The following GCSAML variants were observed in gnomAD, a reference collection of about 807,000 sequenced individuals.
GCSAML encodes germinal center associated signaling and motility like, also known as germinal center-associated signaling and motility-like protein.
A neutral mutation model predicts 13.0 loss-of-function variants in GCSAML; 9 were observed. The observed-to-expected ratio is 0.69, with a 90% CI of 0.42 to 1.21. The LOEUF is 1.21. Ranked by LOEUF, GCSAML falls within the 50% of genes most tolerant of loss-of-function variation. The pLI is 0.00. For missense variants in GCSAML, 143 were observed against 153.4 expected, an observed-to-expected ratio of 0.93 and a Z score of 0.36; for synonymous variants, 37 against 52.9, an observed-to-expected ratio of 0.70 and a Z score of 1.31.
chr1:247,530,187 TAAAATC>T (rs1666862734), intron 2 of GCSAML: 1 of 152,146 alleles, frequency 6.6e-6, no homozygotes, highest in African/African-American at 2.4e-5. Context: ...ATATATATAA[TAAAATC>T]AAAAACAGGA....
chr1:247,526,319 A>T lies in GCSAML; in HGVS notation c.-262-621A>T, dbSNP rs1477745523. On this transcript the variant is annotated intron_variant, in intron 1 of 5. Transcript: ENST00000366489. This position sits in a 1 kb window ranked among gnomAD's most constrained non-coding sequence, Gnocchi z 4.8. ...TACTCTATCTGGCTCATAATACCTG[A>T]CCTAAAGTTCTGACAGAAGCTGGAA... The T allele has an allele frequency of 6.6e-6, 1 of 152,190 alleles. No individual in the cohort carries two copies. The highest frequency in any genetic ancestry group is 3.2e-3 in the Middle Eastern group (1 of 316). The allele number at this position is 152,190 out of a possible 1,614,324, so 9.4% of individuals were successfully genotyped here.
At chr1:247,536,326 G>A (rs1667215711) in intron 2 of GCSAML, 2 of 152,296 alleles carry the variant, frequency 1.3e-5, no homozygotes, top group East Asian at 3.9e-4. Context: ...CCTGCAAATA[G>A]TGGAAATCTC....
At chr1:247,534,640 G>A (rs1296261632) in intron 2 of GCSAML, among the ~76,000 whole-genome samples, 1 of 152,126 alleles carries the variant, frequency 6.6e-6, no homozygotes, top group Non-Finnish European at 1.5e-5. Context: ...TTTTAAAAAG[G>A]AGAATCAATT....
rs1037907215 is a variant in GCSAML at position 247,556,545 on chromosome 1, C to T, written c.89+79C>T. 25 of 978,872 alleles carry T rather than the reference C, an allele frequency of 2.6e-5. No individual in the cohort carries two copies. The Admixed American group carries it at 4.4e-4, about 17-fold the overall frequency. 60.6% of individuals were successfully genotyped at this position (978,872 alleles called of 1,614,324 possible). ...TTGAGATTACTTCCAGAGTCTCTGC[C>T]CCACTAGAACTAACACCCCTTAGGG... On this transcript the variant is annotated intron_variant, in intron 2 of 4. Transcript: ENST00000366488.
At chr1:247,563,791 G>A (rs1257264054) in intron 3 of GCSAML, 152 bp downstream of exon 3, 2 of 448,414 alleles carry the variant, frequency 4.5e-6, no homozygotes, top group Non-Finnish European at 8.1e-6. Context: ...CATCATTCTT[G>A]GTATTAAAGT....
At chr1:247,524,724 C>G (rs148830883) in intron 1 of GCSAML, 273 of 151,534 alleles carry the variant, frequency 1.8e-3, no homozygotes, top group African/African-American at 6.2e-3. Context: ...ACATTTAAAA[C>G]TTTTGTACCA....
Position 247,527,138 on chromosome 1 carries a change from G to T in GCSAML, c.-148+84G>T. On this transcript the variant is annotated intron_variant, in intron 2 of 5. Coordinates refer to the GCSAML transcript ENST00000366489. The surrounding 1 kb of genome is among the most constrained non-coding windows in gnomAD (Gnocchi z 4.6). ...TGTTAAGCATTTAGGGAGCAGTTGG[G>T]TGAGCACATGACCAATCAGCCTGAG... 1 of 448,658 alleles carries T rather than the reference G, an allele frequency of 2.2e-6. No homozygotes were observed. The highest frequency in any genetic ancestry group is 2.4e-5 in the Admixed American group (1 of 42,124). The allele number at this position is 448,658 out of a possible 1,614,324, so 27.8% of individuals were successfully genotyped here.
intron 2 of GCSAML, among the ~76,000 whole-genome samples, chr1:247,533,348 C>T (rs946287105): frequency 2.0e-5 from 3 of 152,106 alleles, no homozygotes; most frequent in African/African-American, 7.2e-5. Context: ...TTCTTCCCCG[C>T]AGTTAGCCAT....
At chr1:247,515,048 G>A (rs1666166201) in intron 1 of GCSAML, among the ~76,000 whole-genome samples, 1 of 152,132 alleles carries the variant, frequency 6.6e-6, no homozygotes, top group Non-Finnish European at 1.5e-5. Flanking sequence ...GACTGCTTTT[G>A]GCAGTATGGT....
At chr1:247,518,132 G>A (rs1056978538) in intron 1 of GCSAML, among the ~76,000 whole-genome samples, 2 of 152,208 alleles carry the variant, frequency 1.3e-5, no homozygotes, top group African/African-American at 4.8e-5. Flanking sequence ...GCCCGCGTGG[G>A]TGTGCGGTGC....
At chr1:247,521,907 C>A (rs1666446801) in intron 1 of GCSAML, among the ~76,000 whole-genome samples, 1 of 152,024 alleles carries the variant, frequency 6.6e-6, no homozygotes, top group Non-Finnish European at 1.5e-5. Flanking sequence ...GCGCCTCTTC[C>A]TGGCCGCCAT....
intron 2 of GCSAML, among the ~76,000 whole-genome samples, chr1:247,560,742 G>A (rs1191081387): frequency 6.6e-6 from 1 of 152,028 alleles, no homozygotes; most frequent in Non-Finnish European, 1.5e-5. Context: ...ATCTCAGACA[G>A]TTACCATTAT....
chr1:247,559,841 C>T (rs1668064984), intron 2 of GCSAML, among the ~76,000 whole-genome samples: 1 of 152,092 alleles, frequency 6.6e-6, no homozygotes, highest in Non-Finnish European at 1.5e-5. Context: ...TTCAAATGTT[C>T]TGTTCTTATA....
intron 2 of GCSAML, chr1:247,532,285 G>C (rs771595144): frequency 3.7e-6 from 6 of 1,614,072 alleles, no homozygotes; most frequent in South Asian, 3.3e-5. Context: ...GACAATGCTC[G>C]TGGTGAAGCT....
chr1:247,574,436 G>A lies in GCSAML; in HGVS notation c.*54G>A, dbSNP rs1459123420. On this transcript the variant is annotated 3_prime_UTR_variant, in exon 5 of 5. Transcript: ENST00000366488. The stretch of plus-strand genomic sequence containing the variant: ...GCAATGAAGACAATGCAGAATAGCA[G>A]ACTCTGGCGAAGTTGTTCACCCTGA... The A allele has an allele frequency of 1.3e-6, 2 of 1,591,866 alleles. No homozygotes were observed. Among genetic ancestry groups the A allele is most frequent in the African/African-American group, 1.3e-5 (1 of 74,526 alleles).
chr1:247,570,904 C>T (rs894841460), intron 4 of GCSAML, among the ~76,000 whole-genome samples: 3 of 152,104 alleles, frequency 2.0e-5, no homozygotes, highest in Non-Finnish European at 2.9e-5. Context: ...GTATTCGGTG[C>T]ATATATATTT....
chr1:247,541,473 C>A (rs58638057), intron 2 of GCSAML, among the ~76,000 whole-genome samples: 7,757 of 152,144 alleles, frequency 0.051, 626 homozygotes, highest in African/African-American at 0.17. Flanking sequence ...GTCTCATCCC[C>A]AAATGGCTGA....
At chr1:247,531,433 A>T in intron 2 of GCSAML, 1 of 1,011,910 alleles carries the variant, frequency 9.9e-7, no homozygotes, top group Non-Finnish European at 1.5e-6. Context: ...TCAGATTTCC[A>T]TCTACCTTGA....
chr1:247,562,566 C>G (rs1668171028), intron 2 of GCSAML, among the ~76,000 whole-genome samples: 1 of 152,174 alleles, frequency 6.6e-6, no homozygotes. Flanking sequence ...TTTTAGAATG[C>G]TTCCTCACAA....
Sources: allele counts gnomAD v4.1 joint callset (sites outside exome capture counted in the v4.1 genomes callset), GRCh38; gene constraint gnomAD v4.1.1; non-coding constraint Gnocchi (gnomAD v3.1); transcripts MANE v1.5; gene names NCBI Gene and HGNC (gene_info 2026-07-23, HGNC 2026-07-21).